KIAA1217: variants seen among roughly 807,000 people sequenced by gnomAD.
KIAA1217 encodes KIAA1217, also known as sickle tail protein homolog.
KIAA1217 carries 88 observed loss-of-function variants against 163.9 expected under a neutral mutation model. The observed-to-expected ratio is 0.54, with a 90% CI of 0.45 to 0.64. The LOEUF is 0.64. KIAA1217 is among the 30% of genes least tolerant of loss of function. The pLI is 0.00. For missense variants in KIAA1217, 2,372 were observed against 2,475.0 expected (o/e 0.96, Z 0.88); for synonymous variants, 903 against 923.1 (o/e 0.98, Z 0.39).
At chr10:24,479,610 T>C (rs1480755919) in intron 6 of KIAA1217, among the ~76,000 whole-genome samples, 1 of 152,176 alleles carries the variant, frequency 6.6e-6, no homozygotes. Flanking sequence ...TCTTAGTCCA[T>C]TCTGTGTTGC....
At chr10:24,497,321 A>G (rs1363932305) in intron 8 of KIAA1217, among the ~76,000 whole-genome samples, 5 of 152,198 alleles carry the variant, frequency 3.3e-5, no homozygotes, top group Non-Finnish European at 7.3e-5. Flanking sequence ...TATACTGAGC[A>G]TTAGATCATT....
chr10:24,199,550 A>G (rs1039146316), intron 2 of KIAA1217, among the ~76,000 whole-genome samples: 1 of 152,232 alleles, frequency 6.6e-6, no homozygotes, highest in Admixed American at 6.5e-5. Context: ...TTTGGGAAAC[A>G]AAGTAATTTT....
chr10:23,893,678 C>T (rs899457695), intron 1 of KIAA1217, among the ~76,000 whole-genome samples: 61 of 151,806 alleles, frequency 4.0e-4, no homozygotes, highest in Admixed American at 3.4e-3. Flanking sequence ...CAGGCAGAGA[C>T]GCAACCAAAA....
chr10:24,098,957 C>A (rs2062277920), intron 2 of KIAA1217, among the ~76,000 whole-genome samples: 1 of 152,052 alleles, frequency 6.6e-6, no homozygotes, highest in Non-Finnish European at 1.5e-5. Flanking sequence ...ATATTCCAGC[C>A]TGGGTGACAG....
At chr10:24,449,491 G>A (rs1168797271) in intron 5 of KIAA1217, 7 of 985,098 alleles carry the variant, frequency 7.1e-6, no homozygotes, top group South Asian at 9.4e-5. Flanking sequence ...GCTGATTTCC[G>A]GGACAGGAAA....
chr10:23,775,442 T>C (rs7082697), intron 1 of KIAA1217, among the ~76,000 whole-genome samples: 27,637 of 151,976 alleles, frequency 0.18, 2,661 homozygotes, highest in Middle Eastern at 0.27. Context: ...ATGCATTCAG[T>C]TTCAGGTACC....
rs777376331 is a variant in KIAA1217 at position 24,119,975 on chromosome 10, C to T, written c.-170-99651C>T. On this transcript the variant is annotated intron_variant, in intron 2 of 18. Transcript: ENST00000376462. ...AAAGACAATGGGTGAAACCCACTTC[C>T]GTGGAAGTAGGGTGCTGCATTCTTC... is the stretch of plus-strand genomic sequence containing the variant. Among the ~76,000 whole-genome samples the T allele has an allele frequency of 4.3e-4, 66 of 152,208 alleles. 1 individual carries two copies. Among genetic ancestry groups the T allele is most frequent in the Non-Finnish European group, 7.8e-4 (53 of 68,038 alleles).
chr10:24,408,963 T>C (rs1371595902), intron 3 of KIAA1217, among the ~76,000 whole-genome samples: 1 of 152,230 alleles, frequency 6.6e-6, no homozygotes. Flanking sequence ...CACTGCTGTT[T>C]TACAAGCTCC....
chr10:24,179,420 T>C (rs1213230163), intron 2 of KIAA1217, among the ~76,000 whole-genome samples: 1 of 152,148 alleles, frequency 6.6e-6, no homozygotes, highest in African/African-American at 2.4e-5. Flanking sequence ...CCCCCCTCAC[T>C]TCCTCCTGCT....
chr10:23,945,996 C>T (rs551559594), intron 1 of KIAA1217, among the ~76,000 whole-genome samples: 64 of 152,230 alleles, frequency 4.2e-4, no homozygotes, highest in Non-Finnish European at 7.8e-4. Flanking sequence ...CTAGTGGTTA[C>T]TTAAGTTCCA....
At chr10:24,520,651 A>AAAAAAAAATATATATAT (rs1554926857) in intron 11 of KIAA1217, among the ~76,000 whole-genome samples, 1 of 39,662 alleles carries the variant, frequency 2.5e-5, no homozygotes, top group African/African-American at 8.8e-5. Context: ...AAAAAAAAAA[A>AAAAAAAAATATATATAT]ATATATATAT....
At chr10:24,346,536 A>G (rs1355511199) in intron 2 of KIAA1217, among the ~76,000 whole-genome samples, 1 of 151,608 alleles carries the variant, frequency 6.6e-6, no homozygotes, top group Non-Finnish European at 1.5e-5. Flanking sequence ...TCATCTGTCA[A>G]AGGACATTTG....
intron 14 of KIAA1217, among the ~76,000 whole-genome samples, chr10:24,529,549 A>G (rs2072783600): frequency 6.6e-6 from 1 of 152,146 alleles, no homozygotes; most frequent in South Asian, 2.1e-4. Context: ...TGTGGAACCC[A>G]TGGATGCAGA....
At chr10:24,332,440 G>A (rs1183899185) in intron 2 of KIAA1217, among the ~76,000 whole-genome samples, 1 of 152,138 alleles carries the variant, frequency 6.6e-6, no homozygotes, top group Non-Finnish European at 1.5e-5. Context: ...AAGAAAATTT[G>A]GGATGGGTTG....
At chr10:23,881,656 C>T (rs192676067) in intron 1 of KIAA1217, among the ~76,000 whole-genome samples, 2 of 152,072 alleles carry the variant, frequency 1.3e-5, no homozygotes, top group African/African-American at 2.4e-5. Context: ...CCATTACATT[C>T]GGAATTGCTA....
At chr10:23,839,130 C>T (rs1838644247) in intron 1 of KIAA1217, among the ~76,000 whole-genome samples, 1 of 152,056 alleles carries the variant, frequency 6.6e-6, no homozygotes, top group African/African-American at 2.4e-5. Flanking sequence ...CCAATACATG[C>T]CTAGTTTTCT....
intron 1 of KIAA1217, among the ~76,000 whole-genome samples, chr10:23,773,751 T>G (rs1834895474): frequency 6.6e-6 from 1 of 152,194 alleles, no homozygotes; most frequent in Non-Finnish European, 1.5e-5. Flanking sequence ...CACTCATGAT[T>G]TGGCTCTCTG....
At chr10:24,191,169 G>A (rs964369014) in intron 2 of KIAA1217, among the ~76,000 whole-genome samples, 3 of 152,074 alleles carry the variant, frequency 2.0e-5, no homozygotes, top group Admixed American at 2.0e-4. Context: ...GATAGAGTAA[G>A]ACTCCTCTCA....
intron 1 of KIAA1217, among the ~76,000 whole-genome samples, chr10:23,911,744 T>C (rs1842438946): frequency 6.6e-6 from 1 of 152,036 alleles, no homozygotes; most frequent in Non-Finnish European, 1.5e-5. Flanking sequence ...ATGTAATTTA[T>C]TATTATTCCA....
Sources: allele counts gnomAD v4.1 joint callset (sites outside exome capture counted in the v4.1 genomes callset), GRCh38; gene constraint gnomAD v4.1.1; transcripts MANE v1.5; gene names NCBI Gene and HGNC (gene_info 2026-07-23, HGNC 2026-07-21).